The following IPO7 variants were observed in gnomAD, a reference collection of about 807,000 sequenced individuals.
IPO7 encodes importin 7.
A neutral mutation model predicts 136.4 loss-of-function variants in IPO7; 13 were observed. The observed-to-expected ratio is 0.10, with a 90% CI of 0.06 to 0.15. The LOEUF (loss-of-function observed/expected upper bound fraction) is 0.15. Ranked by LOEUF, IPO7 falls within the 10% of genes least tolerant of loss-of-function variation. IPO7 has a pLI of 1.00. For synonymous variants in IPO7, 403 were observed against 404.4 expected (o/e 1.00, Z 0.04); for missense variants, 857 against 1,240.6 (o/e 0.69, Z 4.65).
At chr11:9,440,383 G>A in intron 22 of IPO7, 72 bp from the exon 23 acceptor site, 1 of 1,205,128 alleles carries the variant, frequency 8.3e-7, no homozygotes, top group Non-Finnish European at 1.2e-6. Flanking sequence ...GACAGTGATT[G>A]AGATGATTGT....
At chr11:9,410,827 A>G (rs1175239798) in intron 4 of IPO7, among the ~76,000 whole-genome samples, 1 of 152,144 alleles carries the variant, frequency 6.6e-6, no homozygotes, top group Non-Finnish European at 1.5e-5. Flanking sequence ...CATAAGGAAG[A>G]CTTTTATACC....
intron 7 of IPO7, 23 bp from the exon 8 acceptor site, chr11:9,420,591 T>G (rs753678279): frequency 3.2e-6 from 5 of 1,585,908 alleles, no homozygotes; most frequent in Non-Finnish European, 4.3e-6. Context: ...AAAGAAACAA[T>G]GGGCATTTTG....
At chr11:9,400,052 T>C (rs751616018) in intron 1 of IPO7, among the ~76,000 whole-genome samples, 75 of 152,360 alleles carry the variant, frequency 4.9e-4, no homozygotes, top group Non-Finnish European at 9.4e-4. Flanking sequence ...TAGTATTTGC[T>C]TATAACCTGT....
intron 1 of IPO7, among the ~76,000 whole-genome samples, chr11:9,397,540 G>T (rs192857709): frequency 8.7e-4 from 131 of 150,464 alleles, no homozygotes; most frequent in Non-Finnish European, 1.7e-3. Context: ...AGTTTTTGTT[G>T]TTCCAACATG....
chr11:9,413,062 T>C (rs1854990194), intron 4 of IPO7, among the ~76,000 whole-genome samples: 1 of 151,994 alleles, frequency 6.6e-6, no homozygotes, highest in South Asian at 2.1e-4. Context: ...TGCATTTTAG[T>C]AGAGACGGGG....
Position 9,445,329 on chromosome 11 carries a change from G to T in IPO7, c.*135G>T, listed in dbSNP as rs866739307. The T allele has an allele frequency of 6.1e-5, 21 of 345,688 alleles. No homozygotes were observed. The South Asian group carries it at 6.7e-4, about 11-fold the overall frequency. 21.4% of individuals were successfully genotyped at this position (345,688 alleles called of 1,614,324 possible). On this transcript the variant is annotated 3_prime_UTR_variant, in exon 25 of 25. Transcript: ENST00000379719. ...TGGACAAAAGAAACAACAACCCCAGGAGATGGGACCTGATCATGCAACCTG... is the reference window on the plus strand; with the variant it reads ...TGGACAAAAGAAACAACAACCCCAGTAGATGGGACCTGATCATGCAACCTG...
intron 24 of IPO7, among the ~76,000 whole-genome samples, chr11:9,442,815 G>T (rs1855477201): frequency 6.6e-6 from 1 of 152,012 alleles, no homozygotes; most frequent in Non-Finnish European, 1.5e-5. Flanking sequence ...CTGAGCTCGG[G>T]AGTTTGAGAC....
chr11:9,436,428 C>A (rs1855369493), intron 20 of IPO7, 62 bp downstream of exon 20: 9 of 1,196,902 alleles, frequency 7.5e-6, no homozygotes, highest in Non-Finnish European at 1.1e-5. Context: ...CACTTTCTTT[C>A]TTCATTTTTT....
chr11:9,396,584 CG>C lies in IPO7; in HGVS notation c.85-6705del, dbSNP rs144678024. ...TTACCAGTCACTCCGCATTCCGCCC[CG>C]ACCCCATTCCTAGCCCTAGGCAACA... is the stretch of plus-strand genomic sequence containing the variant. On this transcript the variant is annotated intron_variant, in intron 1 of 24. Transcript: ENST00000379719. 1.1e-3 allele frequency among the ~76,000 whole-genome samples: 164 copies of C among 152,270 alleles called. 1 individual carries two copies. The highest frequency in any genetic ancestry group is 3.5e-3 in the African/African-American group (146 of 41,552).
intron 6 of IPO7, among the ~76,000 whole-genome samples, chr11:9,419,651 G>A (rs923698593): frequency 6.7e-6 from 1 of 148,500 alleles, no homozygotes; most frequent in Non-Finnish European, 1.5e-5. Flanking sequence ...GATTGTATAG[G>A]AGTCTTTTAT....
Position 9,418,474 on chromosome 11 carries a change from T to A in IPO7, c.726+1326T>A, listed in dbSNP as rs575395503. ...TTACACATGGGAGGGTTATGTAATT[T>A]ATCCAATATAATATTGTTAATCGCA... On this transcript the variant is annotated intron_variant, in intron 6 of 24. Coordinates refer to ENST00000379719, the MANE Select transcript of IPO7 (RefSeq NM_006391.3). Among the ~76,000 whole-genome samples, 40 of 152,320 alleles carry A rather than the reference T, an allele frequency of 2.6e-4. 2 individuals carry two copies. In the South Asian group the frequency reaches 8.3e-3, roughly 32 times the overall value.
chr11:9,407,900 A>G (rs1364197441), intron 2 of IPO7, among the ~76,000 whole-genome samples: 2 of 152,252 alleles, frequency 1.3e-5, no homozygotes, highest in African/African-American at 4.8e-5. Context: ...TTTGTCAAAT[A>G]GCAATGTGCA....
rs576452307 is a variant in IPO7, at chr11:9,392,282, A to G, written c.84+7435A>G. On this transcript the variant is annotated intron_variant, in intron 1 of 24. Transcript: ENST00000379719. ...AACCTCCGCCTCCCGGATTCGGGCAATTCTCCTGCCTCAGCCTCTTGAGTA... is the reference window on the plus strand; with the variant it reads ...AACCTCCGCCTCCCGGATTCGGGCAGTTCTCCTGCCTCAGCCTCTTGAGTA... 303 of 326,508 alleles carry G rather than the reference A, an allele frequency of 9.3e-4. 3 individuals are homozygous for G. The Middle Eastern group carries it at 0.019, about 21-fold the overall frequency. The allele number at this position is 326,508 out of a possible 1,614,324, so 20.2% of individuals were successfully genotyped here. A position where few individuals can be genotyped will look rare whatever the true frequency, so the allele number is the denominator to read the frequency against.
chr11:9,441,396 T>G, intron 23 of IPO7, among the ~76,000 whole-genome samples: 1 of 152,226 alleles, frequency 6.6e-6, no homozygotes, highest in Admixed American at 6.5e-5. Context: ...GAAATTAAAT[T>G]TCCCCTGTAT....
chr11:9,418,945 A>T (rs557983728), intron 6 of IPO7, among the ~76,000 whole-genome samples: 198 of 152,238 alleles, frequency 1.3e-3, no homozygotes, highest in African/African-American at 4.5e-3. Context: ...GTGGTAGTTT[A>T]TTATTTTTTA....
At position 9,433,808 on chromosome 11, in the gene IPO7, T is replaced by C. The variant is rs1855332566; in HGVS notation, c.2036T>C (p.Phe679Ser). The change falls in exon 18 of 25, where the codon TTT becomes TCT. Residue 679 changes from phenylalanine to serine, a missense_variant. Phe to Ser is a radical substitution (Grantham distance 155, BLOSUM62 -2). Coordinates refer to ENST00000379719, the MANE Select transcript of IPO7 (RefSeq NM_006391.3). ...PQMWQLLPLV[F>S]EVFQQDGFDY... ...ATGTGGCAGCTACTACCCCTTGTAT[T>C]TGAAGTCTTTCAGCAAGATGGCTTT... The C allele has an allele frequency of 6.2e-7, 1 of 1,611,722 alleles. No individual in the cohort carries two copies. The highest frequency in any genetic ancestry group is 8.5e-7 in the Non-Finnish European group (1 of 1,179,904).
chr11:9,433,390 A>G (rs1855327229), intron 16 of IPO7, 180 bp from the exon 17 acceptor site: 1 of 555,438 alleles, frequency 1.8e-6, no homozygotes, highest in Non-Finnish European at 3.2e-6. Flanking sequence ...TTGTAATGGT[A>G]TTTCATTCTA....
intron 1 of IPO7, among the ~76,000 whole-genome samples, chr11:9,400,614 G>A (rs955367276): frequency 1.3e-5 from 2 of 151,630 alleles, no homozygotes; most frequent in African/African-American, 4.8e-5. Context: ...AGTACAGACG[G>A]GATTTCACTG....
intron 24 of IPO7, 75 bp from the exon 25 acceptor site, chr11:9,445,022 G>C (rs1441317493): frequency 1.1e-6 from 1 of 919,304 alleles, no homozygotes. Flanking sequence ...CTACTGGCTT[G>C]TTTAATGTTT....
Sources: gnomAD v4.1 joint callset for allele counts (sites outside exome capture counted in the v4.1 genomes callset) on GRCh38, gnomAD v4.1.1 for gene constraint, MANE v1.5 for transcripts, NCBI Gene and HGNC (gene_info 2026-07-23, HGNC 2026-07-21) for gene names.